TMEM38B: variants seen among roughly 807,000 people sequenced by gnomAD.
TMEM38B encodes transmembrane protein 38B.
A neutral mutation model predicts 28.7 loss-of-function variants in TMEM38B; 24 were observed. That is an observed-to-expected ratio of 0.84 (90% CI 0.61 to 1.18). The LOEUF (loss-of-function observed/expected upper bound fraction) is 1.18. Ranked by LOEUF, TMEM38B falls within the 50% of genes most tolerant of loss-of-function variation. TMEM38B has a pLI of 0.00. For missense variants in TMEM38B, 380 were observed against 350.9 expected (o/e 1.08, Z -0.66); for synonymous variants, 131 against 127.7 (o/e 1.03, Z -0.17).
At chr9:105,726,462 G>T (rs549502063) in intron 4 of TMEM38B, among the ~76,000 whole-genome samples, 10 of 152,084 alleles carry the variant, frequency 6.6e-5, no homozygotes, top group Non-Finnish European at 1.0e-4. Flanking sequence ...GGCCTACCCA[G>T]GGTCAGGATC....
Position 105,748,066 on chromosome 9 carries a change from T to A in TMEM38B, c.543-7T>A. 6.3e-7 allele frequency: 1 copy of A among 1,595,110 alleles called. No homozygotes were observed. The highest frequency in any genetic ancestry group is 8.6e-7 in the Non-Finnish European group (1 of 1,164,534). On this transcript the variant is annotated splice_polypyrimidine_tract_variant and splice_region_variant and intron_variant, in intron 4 of 5. Transcript: ENST00000374692. ...ACTTGCTGATTTAAAATGTGTTTTA[T>A]TTTCAGCCCTGCCAAGGTAACCCTG...
intron 5 of TMEM38B, chr9:105,758,816 G>A (rs895004565): frequency 2.2e-6 from 2 of 902,294 alleles, no homozygotes; most frequent in Non-Finnish European, 3.7e-6. Flanking sequence ...AGAAAATAAA[G>A]CATGAAATAA....
intron 4 of TMEM38B, among the ~76,000 whole-genome samples, chr9:105,740,089 G>A (rs1473546277): frequency 6.6e-6 from 1 of 151,626 alleles, no homozygotes; most frequent in Non-Finnish European, 1.5e-5. Context: ...CACCATGTTG[G>A]CCAGGCTGGT....
chr9:105,748,744 G>T (rs561656722), intron 5 of TMEM38B, among the ~76,000 whole-genome samples: 48 of 152,226 alleles, frequency 3.2e-4, no homozygotes, highest in African/African-American at 1.1e-3. Context: ...CATCTTCATT[G>T]TATGATTGTT....
chr9:105,760,379 A>C, intron 5 of TMEM38B: 2 of 758,224 alleles, frequency 2.6e-6, no homozygotes, highest in Admixed American at 3.7e-5. Context: ...GTACCAACTT[A>C]TTTACAGACT....
chr9:105,717,822 G>A (rs1588410209), intron 2 of TMEM38B, among the ~76,000 whole-genome samples: 1 of 152,172 alleles, frequency 6.6e-6, no homozygotes, highest in Middle Eastern at 3.4e-3. Flanking sequence ...TAGGTGTTTA[G>A]TTAGGCATTA....
At position 105,724,623 on chromosome 9, in the gene TMEM38B, CAAAA is replaced by C. The variant is rs767187191; in HGVS notation, c.542+2013_542+2016del. 5.7e-4 allele frequency among the ~76,000 whole-genome samples: 51 copies of C among 88,980 alleles called. No homozygotes were observed. In the South Asian group the frequency reaches 0.017, roughly 30 times the overall value. 58.4% of individuals were successfully genotyped at this position (88,980 alleles called of 152,430 possible). The stretch of plus-strand genomic sequence containing the variant: ...GGGTGACAGAGGTGAGACTCTGTCT[CAAAA>C]AAAAAAAAAAGAAGAAGGTGGAAAG... On this transcript the variant is annotated intron_variant, in intron 4 of 5. Coordinates refer to ENST00000374692, the MANE Select transcript of TMEM38B (RefSeq NM_018112.3).
chr9:105,758,912 C>T, intron 5 of TMEM38B: 1 of 1,306,976 alleles, frequency 7.7e-7, no homozygotes. Flanking sequence ...TTATTCTGAT[C>T]TACCTGCAAA....
intron 4 of TMEM38B, among the ~76,000 whole-genome samples, chr9:105,730,028 G>A (rs540709269): frequency 1.3e-5 from 2 of 152,288 alleles, no homozygotes; most frequent in African/African-American, 2.4e-5. Flanking sequence ...TGAAAACAGA[G>A]ACAATTTGAA....
At chr9:105,713,017 T>TG (rs1218050331) in intron 2 of TMEM38B, among the ~76,000 whole-genome samples, 1 of 152,222 alleles carries the variant, frequency 6.6e-6, no homozygotes, top group Admixed American at 6.5e-5. Flanking sequence ...TGAGGGGACT[T>TG]GGCCCAGTGC....
At chr9:105,748,750 T>C (rs1487604855) in intron 5 of TMEM38B, among the ~76,000 whole-genome samples, 1 of 152,124 alleles carries the variant, frequency 6.6e-6, no homozygotes, top group Non-Finnish European at 1.5e-5. Flanking sequence ...CATTGTATGA[T>C]TGTTGAGAGG....
intron 4 of TMEM38B, among the ~76,000 whole-genome samples, chr9:105,728,615 G>T (rs928824789): frequency 1.3e-5 from 2 of 152,112 alleles, no homozygotes; most frequent in African/African-American, 2.4e-5. Context: ...GTAATGGGAT[G>T]ACTGGGTCAA....
intron 5 of TMEM38B, among the ~76,000 whole-genome samples, chr9:105,754,273 G>C (rs1437641958): frequency 6.6e-6 from 1 of 152,074 alleles, no homozygotes; most frequent in East Asian, 1.9e-4. Flanking sequence ...CCTCAGCTCT[G>C]GATCAAGCAG....
chr9:105,741,678 G>A (rs1243842164), intron 4 of TMEM38B, among the ~76,000 whole-genome samples: 1 of 152,186 alleles, frequency 6.6e-6, no homozygotes, highest in Non-Finnish European at 1.5e-5. Flanking sequence ...AAATTTCCAA[G>A]CAAAGTGTTC....
At chr9:105,731,667 T>C (rs1836754704) in intron 4 of TMEM38B, among the ~76,000 whole-genome samples, 1 of 152,196 alleles carries the variant, frequency 6.6e-6, no homozygotes, top group East Asian at 1.9e-4. Flanking sequence ...TAGTATTCCA[T>C]GGTGTATATG....
chr9:105,769,632 A>G (rs1826484482), intron 5 of TMEM38B, among the ~76,000 whole-genome samples: 1 of 152,172 alleles, frequency 6.6e-6, no homozygotes, highest in Non-Finnish European at 1.5e-5. Flanking sequence ...CACTCCTGCA[A>G]ATGTTCTTTT....
At chr9:105,736,932 C>G (rs74425118) in intron 4 of TMEM38B, among the ~76,000 whole-genome samples, 1,638 of 152,274 alleles carry the variant, frequency 0.011, 28 homozygotes, top group African/African-American at 0.038. Context: ...GCAGTACTGG[C>G]AGCATGAGTT....
At chr9:105,737,523 G>C (rs1036183339) in intron 4 of TMEM38B, among the ~76,000 whole-genome samples, 1 of 152,192 alleles carries the variant, frequency 6.6e-6, no homozygotes, top group Non-Finnish European at 1.5e-5. Context: ...CTTGGGCCCT[G>C]GAGGGCAAGC....
intron 5 of TMEM38B, among the ~76,000 whole-genome samples, chr9:105,762,746 G>A (rs1029038517): frequency 9.4e-5 from 14 of 148,490 alleles, no homozygotes; most frequent in African/African-American, 3.3e-4. Context: ...ATAGCAGCAT[G>A]ATTTATAGTC....
Sources: allele counts gnomAD v4.1 joint callset (sites outside exome capture counted in the v4.1 genomes callset), GRCh38; gene constraint gnomAD v4.1.1; transcripts MANE v1.5; gene names NCBI Gene and HGNC (gene_info 2026-07-23, HGNC 2026-07-21).